PRKAG2: variants seen among roughly 807,000 people sequenced by gnomAD.
PRKAG2 encodes protein kinase AMP-activated non-catalytic subunit gamma 2, also known as 5'-AMP-activated protein kinase subunit gamma-2.
A neutral mutation model predicts 69.6 loss-of-function variants in PRKAG2; 26 were observed. The ratio of observed to expected loss-of-function variants is 0.37; its 90% CI spans 0.27 to 0.52. The LOEUF (loss-of-function observed/expected upper bound fraction) is 0.52. PRKAG2 is among the 20% of genes least tolerant of loss of function. The probability of loss-of-function intolerance (pLI) is 0.90; values close to 1 mark genes in which losing one functional copy is unlikely to be tolerated. For synonymous variants in PRKAG2, 293 were observed against 285.0 expected (o/e 1.03, Z -0.28); for missense variants, 557 against 740.0 (o/e 0.75, Z 2.87).
intron 3 of PRKAG2, among the ~76,000 whole-genome samples, chr7:151,726,415 G>C (rs1003892714): frequency 5.1e-5 from 6 of 118,282 alleles, no homozygotes; most frequent in African/African-American, 1.6e-4. Flanking sequence ...CACACACACA[G>C]AGCTGATGCC....
chr7:151,800,605 G>C (rs2077789458), intron 1 of PRKAG2, among the ~76,000 whole-genome samples: 1 of 152,196 alleles, frequency 6.6e-6, no homozygotes, highest in Non-Finnish European at 1.5e-5. Flanking sequence ...CCCAAGGCAT[G>C]AGCAGTTCCA....
chr7:151,639,132 C>A (rs558224654), intron 4 of PRKAG2, among the ~76,000 whole-genome samples: 2 of 152,338 alleles, frequency 1.3e-5, no homozygotes, highest in African/African-American at 4.8e-5. Flanking sequence ...ACACTGCCAT[C>A]ATCTCCACTG....
intron 3 of PRKAG2, among the ~76,000 whole-genome samples, chr7:151,721,303 T>A (rs1392347194): frequency 3.3e-5 from 5 of 152,118 alleles, no homozygotes; most frequent in Non-Finnish European, 7.4e-5. Context: ...TCCTCTGCCA[T>A]CTCCTCGGTC....
chr7:151,804,410 C>G (rs940497502), intron 1 of PRKAG2, among the ~76,000 whole-genome samples: 1 of 152,170 alleles, frequency 6.6e-6, no homozygotes, highest in Non-Finnish European at 1.5e-5. Context: ...GGAAGGGCCC[C>G]TTATAAAACC....
chr7:151,768,056 A>G (rs894056466), intron 3 of PRKAG2, among the ~76,000 whole-genome samples: 2 of 152,222 alleles, frequency 1.3e-5, no homozygotes, highest in African/African-American at 4.8e-5. Flanking sequence ...AAATAATAAC[A>G]TAATAATCAG....
rs1220473176 is a variant in PRKAG2 at position 151,788,324 on chromosome 7, G to C, written c.115-1783C>G. 6.6e-6 allele frequency among the ~76,000 whole-genome samples: 1 copy of C among 152,210 alleles called. No individual in the cohort carries two copies. Among genetic ancestry groups the C allele is most frequent in the African/African-American group, 2.4e-5 (1 of 41,454 alleles). ...AGTGGGCGTGAGCTGGTATCTCATT[G>C]TGGTTTTGATTTGCATTTCTTGGAT... On this transcript the variant is annotated intron_variant, in intron 1 of 15. Transcript: ENST00000287878. This position sits in a 1 kb window ranked among gnomAD's most constrained non-coding sequence, Gnocchi z 4.6.
Position 151,609,653 on chromosome 7 carries a change from G to A in PRKAG2, c.755-14199C>T, listed in dbSNP as rs370214947. On this transcript the variant is annotated intron_variant, in intron 5 of 15. Coordinates refer to ENST00000287878, the MANE Select transcript of PRKAG2 (RefSeq NM_016203.4). ...CACACAGTGAGGGAATAGACGCCCC[G>A]AGAAGCAGAGCGTGAGGACTCACTT... is the stretch of plus-strand genomic sequence containing the variant. Among the ~76,000 whole-genome samples, 119 of 152,180 alleles carry A rather than the reference G, an allele frequency of 7.8e-4. 1 individual carries two copies. The Middle Eastern group carries it at 0.031, about 39-fold the overall frequency.
At chr7:151,657,047 G>C (rs1257174310) in intron 4 of PRKAG2, among the ~76,000 whole-genome samples, 2 of 151,990 alleles carry the variant, frequency 1.3e-5, no homozygotes, top group East Asian at 3.9e-4. Flanking sequence ...TGAGACAGGA[G>C]GATGGCTTGA....
intron 1 of PRKAG2, among the ~76,000 whole-genome samples, chr7:151,799,740 A>G (rs4726096): frequency 0.57 from 87,145 of 152,008 alleles, 25,371 homozygotes; most frequent in African/African-American, 0.68. Flanking sequence ...GCAGCGATGC[A>G]TAAAGACCAG....
rs145696888 is a variant in PRKAG2, at chr7:151,834,872, G to A, written c.114+41635C>T. Among the ~76,000 whole-genome samples the A allele has an allele frequency of 9.3e-4, 142 of 152,368 alleles. 1 individual carries two copies. In the East Asian group the frequency reaches 0.024, roughly 26 times the overall value. On this transcript the variant is annotated intron_variant, in intron 1 of 15. Transcript: ENST00000287878. ...GGTGTCGGCAGGGCTGGGTCTCTCT[G>A]AGGCTGAGAGGGAGAATCTGTCCAG...
chr7:151,874,271 T>C (rs1248396500), intron 1 of PRKAG2, among the ~76,000 whole-genome samples: 1 of 104,902 alleles, frequency 9.5e-6, no homozygotes, highest in Non-Finnish European at 1.9e-5. Context: ...TATGTATATG[T>C]ATATGATATA....
At chr7:151,590,685 G>A (rs527328777) in intron 6 of PRKAG2, among the ~76,000 whole-genome samples, 8 of 152,222 alleles carry the variant, frequency 5.3e-5, no homozygotes, top group Non-Finnish European at 1.0e-4. Flanking sequence ...ACAGGTTTCC[G>A]CATGCTGCAG....
chr7:151,853,054 G>C (rs1282618568), intron 1 of PRKAG2, among the ~76,000 whole-genome samples: 1 of 152,214 alleles, frequency 6.6e-6, no homozygotes, highest in African/African-American at 2.4e-5. Context: ...GGTAAACCTA[G>C]TGTCTCTGGA....
In PRKAG2 at chr7:151,781,308, T is replaced by C. The variant is rs564137307; in HGVS notation, c.310A>G (p.Thr104Ala). ...RPKTSPGSPK[T>A]VFPFSYQESP... Reference sequence around the variant, plus strand: ...TCCTGGTAGGAGAACGGGAACACGGTTTTGGGAGAGCCGGGGCTGGTCTTG... The same window carrying C: ...TCCTGGTAGGAGAACGGGAACACGGCTTTGGGAGAGCCGGGGCTGGTCTTG... The change falls in exon 3 of 16, where the codon ACC becomes GCC. Residue 104 changes from threonine to alanine, a missense_variant. Physicochemically the swap from Thr to Ala is moderately conservative, Grantham distance 58. This residue lies in a region of PRKAG2 where 352 missense variants were observed against 356.7 expected (regional missense o/e 0.99). Coordinates refer to ENST00000287878, the MANE Select transcript of PRKAG2 (RefSeq NM_016203.4). The surrounding 1 kb of genome is among the most constrained non-coding windows in gnomAD (Gnocchi z 6.1). 2 of 1,613,694 alleles carry C rather than the reference T, an allele frequency of 1.2e-6. No individual in the cohort carries two copies. The highest frequency in any genetic ancestry group is 1.3e-5 in the African/African-American group (1 of 74,880).
chr7:151,662,795 T>A (rs1224443904), intron 4 of PRKAG2, among the ~76,000 whole-genome samples: 1 of 151,940 alleles, frequency 6.6e-6, no homozygotes, highest in African/African-American at 2.4e-5. Context: ...CCCAGCTACT[T>A]AGGAGGCTAC....
intron 4 of PRKAG2, among the ~76,000 whole-genome samples, chr7:151,671,171 CAAAAAA>C (rs11296795): frequency 1.8e-5 from 1 of 55,412 alleles, no homozygotes; most frequent in Non-Finnish European, 3.1e-5. Context: ...TAGACTGTCT[CAAAAAA>C]AAAAAAAAAA....
intron 1 of PRKAG2, among the ~76,000 whole-genome samples, chr7:151,858,792 G>T (rs1405440124): frequency 1.3e-5 from 2 of 152,214 alleles, no homozygotes; most frequent in Non-Finnish European, 2.9e-5. Flanking sequence ...GTAGCTAGGA[G>T]GTATTCAGCA....
intron 1 of PRKAG2, among the ~76,000 whole-genome samples, chr7:151,793,278 G>T (rs2151827180): frequency 6.6e-6 from 1 of 152,310 alleles, no homozygotes. Context: ...CTCGGGGCGT[G>T]CACCGCCGGG....
At chr7:151,559,463 CG>C (rs1239467948) in intron 15 of PRKAG2, 1 of 985,066 alleles carries the variant, frequency 1.0e-6, no homozygotes, top group Non-Finnish European at 1.2e-6. Context: ...GGATATGGGA[CG>C]GGGCCCCAAC....
Sources: allele counts gnomAD v4.1 joint callset (sites outside exome capture counted in the v4.1 genomes callset), GRCh38; gene constraint gnomAD v4.1.1; regional missense constraint gnomAD v4.1.1; non-coding constraint Gnocchi (gnomAD v3.1); transcripts MANE v1.5; gene names NCBI Gene and HGNC (gene_info 2026-07-23, HGNC 2026-07-21).